CHD9: variants seen among roughly 807,000 people sequenced by gnomAD.
CHD9 encodes chromodomain helicase DNA binding protein 9.
A neutral mutation model predicts 316.1 loss-of-function variants in CHD9; 77 were observed. The observed-to-expected ratio is 0.24, with a 90% CI of 0.20 to 0.29. The LOEUF (loss-of-function observed/expected upper bound fraction) is 0.29, where lower values mean the gene tolerates loss of function less well. Ranked by LOEUF, CHD9 falls within the 10% of genes least tolerant of loss-of-function variation. The pLI, the probability that CHD9 is intolerant of heterozygous loss-of-function variation, is 1.00. For missense variants in CHD9, 2,763 were observed against 3,438.1 expected (o/e 0.80, Z 4.91); for synonymous variants, 1,129 against 1,158.3 (o/e 0.97, Z 0.51).
chr16:53,097,374 TC>T lies in CHD9; in HGVS notation c.-165+42299del, dbSNP rs1302412020. 4.4e-3 allele frequency among the ~76,000 whole-genome samples: 664 copies of T among 151,182 alleles called. 5 individuals are homozygous for T. The highest frequency in any genetic ancestry group is 7.2e-3 in the Non-Finnish European group (487 of 67,802). On this transcript the variant is annotated intron_variant, in intron 1 of 38. Transcript: ENST00000447540. Reference sequence around the variant, plus strand: ...GCTCTCCCTTCCTTCCTTCCTTCCTTCCTTCCTTCCTTCCTTCCTTCCTTCC... The same window carrying T: ...GCTCTCCCTTCCTTCCTTCCTTCCTTCTTCCTTCCTTCCTTCCTTCCTTCC...
At chr16:53,213,251 G>A (rs963261854) in intron 3 of CHD9, among the ~76,000 whole-genome samples, 1 of 152,194 alleles carries the variant, frequency 6.6e-6, no homozygotes, top group African/African-American at 2.4e-5. Context: ...GTTGCTTGTG[G>A]CTATGTGGAA....
rs1437965541 is a variant in CHD9 at position 53,325,691 on chromosome 16, A to G, written c.*796A>G. On this transcript the variant is annotated 3_prime_UTR_variant, in exon 39 of 39. Transcript: ENST00000447540. The stretch of plus-strand genomic sequence containing the variant: ...CACCCTATAGACATACTTAGTTTTA[A>G]CTTTTCAAAGTTTGGCCTCCTATTA... 2 of 152,280 alleles carry G rather than the reference A, an allele frequency of 1.3e-5. No homozygotes were observed. The highest frequency in any genetic ancestry group is 2.9e-5 in the Non-Finnish European group (2 of 67,974). The allele number at this position is 152,280 out of a possible 1,614,324, so 9.4% of individuals were successfully genotyped here. A position where few individuals can be genotyped will look rare whatever the true frequency, so the allele number is the denominator to read the frequency against.
At chr16:53,190,358 T>C (rs1322685522) in intron 2 of CHD9, among the ~76,000 whole-genome samples, 12 of 152,256 alleles carry the variant, frequency 7.9e-5, no homozygotes, top group Admixed American at 5.9e-4. Flanking sequence ...CCATTCAAGC[T>C]CATTTTCTGC....
intron 1 of CHD9, among the ~76,000 whole-genome samples, chr16:53,107,489 T>TAAATA (rs60801106): frequency 0.3 from 36,779 of 121,362 alleles, 6,357 homozygotes; most frequent in Non-Finnish European, 0.39. Flanking sequence ...TAAAATAAAA[T>TAAATA]AAATAAAATA....
intron 1 of CHD9, among the ~76,000 whole-genome samples, chr16:53,144,249 A>G (rs1048179854): frequency 2.0e-5 from 3 of 152,130 alleles, no homozygotes; most frequent in Non-Finnish European, 4.4e-5. Context: ...ATTTCTGAAT[A>G]TGAATATAGA....
At chr16:53,060,862 A>G (rs1480077726) in intron 1 of CHD9, among the ~76,000 whole-genome samples, 1 of 150,458 alleles carries the variant, frequency 6.6e-6, no homozygotes, top group Non-Finnish European at 1.5e-5. Flanking sequence ...TTGAGACTAT[A>G]GTGAGCCATG....
At chr16:53,298,245 C>T (rs1472981803) in intron 30 of CHD9, 5 of 151,580 alleles carry the variant, frequency 3.3e-5, no homozygotes, top group African/African-American at 1.2e-4. Context: ...ATGAGCAACT[C>T]AAAGCAGGCA....
intron 1 of CHD9, among the ~76,000 whole-genome samples, chr16:53,119,670 T>C (rs2038589533): frequency 6.6e-6 from 1 of 152,070 alleles, no homozygotes; most frequent in Non-Finnish European, 1.5e-5. Context: ...TCGTCTCTAC[T>C]AAATATAAAA....
chr16:53,228,973 A>C lies in CHD9; in HGVS notation c.2169-10A>C, dbSNP rs1306739436. On this transcript the variant is annotated splice_polypyrimidine_tract_variant and intron_variant, in intron 7 of 38. Coordinates refer to ENST00000447540, the MANE Select transcript of CHD9 (RefSeq NM_001308319.2). ...GTCATTCTAATATATTATTTTTATA[A>C]AAATTTTAGCTCCTATCTTCACTGT... 7.5e-7 allele frequency: 1 copy of C among 1,325,960 alleles called. No homozygotes were observed. Among genetic ancestry groups the C allele is most frequent in the African/African-American group, 1.5e-5 (1 of 67,600 alleles). 82.1% of individuals were successfully genotyped at this position (1,325,960 alleles called of 1,614,324 possible).
At chr16:53,209,305 G>T (rs368153365) in intron 2 of CHD9, among the ~76,000 whole-genome samples, 177 bp from the exon 3 acceptor site, 328 of 152,202 alleles carry the variant, frequency 2.2e-3, no homozygotes, top group African/African-American at 7.6e-3. Context: ...CAATTGAGCT[G>T]TTTATATCTG....
At chr16:53,152,115 CTCG>C (rs2041170953) in intron 1 of CHD9, among the ~76,000 whole-genome samples, 2 of 152,034 alleles carry the variant, frequency 1.3e-5, no homozygotes, top group South Asian at 2.1e-4. Flanking sequence ...TTAGCATTTG[CTCG>C]TCTTGATTGT....
intron 2 of CHD9, chr16:53,208,574 G>T (rs969155961): frequency 9.8e-7 from 1 of 1,022,658 alleles, no homozygotes; most frequent in African/African-American, 1.7e-5. Context: ...TCCCAGTGCT[G>T]CAGTGCTGCT....
At chr16:53,091,639 T>C (rs2035951681) in intron 1 of CHD9, among the ~76,000 whole-genome samples, 1 of 152,220 alleles carries the variant, frequency 6.6e-6, no homozygotes, top group African/African-American at 2.4e-5. Context: ...CTGTCTCATT[T>C]GTCTTATAAC....
intron 34 of CHD9, among the ~76,000 whole-genome samples, chr16:53,309,139 G>A (rs1404836039): frequency 6.6e-6 from 1 of 152,166 alleles, no homozygotes; most frequent in African/African-American, 2.4e-5. Flanking sequence ...CTGCATTTCA[G>A]TATCACAAAT....
At chr16:53,163,978 GAAGTT>G (rs1351011537) in intron 2 of CHD9, among the ~76,000 whole-genome samples, 1 of 152,118 alleles carries the variant, frequency 6.6e-6, no homozygotes, top group Admixed American at 6.5e-5. Flanking sequence ...GAGATACAGA[GAAGTT>G]AAGTAATAAA....
chr16:53,274,003 A>G (rs1320361888), intron 23 of CHD9, among the ~76,000 whole-genome samples: 2 of 152,158 alleles, frequency 1.3e-5, no homozygotes, highest in African/African-American at 4.8e-5. Context: ...TGAGCTCATT[A>G]TATCTTACTT....
At chr16:53,300,546 G>A (rs1468696913) in intron 30 of CHD9, among the ~76,000 whole-genome samples, 1 of 152,184 alleles carries the variant, frequency 6.6e-6, no homozygotes, top group South Asian at 2.1e-4. Flanking sequence ...AGGCTAGAAG[G>A]TGGCATGGCT....
chr16:53,223,251 C>G (rs924253202), intron 4 of CHD9, among the ~76,000 whole-genome samples: 10 of 139,010 alleles, frequency 7.2e-5, no homozygotes, highest in African/African-American at 2.7e-4. Flanking sequence ...TGCATTTTGC[C>G]TTTTTTTTTT....
chr16:53,240,431 A>C (rs2048994622), intron 12 of CHD9, among the ~76,000 whole-genome samples: 1 of 152,136 alleles, frequency 6.6e-6, no homozygotes, highest in Admixed American at 6.6e-5. Context: ...TAATAAACTG[A>C]ATTGTATATA....
Sources: allele counts gnomAD v4.1 joint callset (sites outside exome capture counted in the v4.1 genomes callset), GRCh38; gene constraint gnomAD v4.1.1; transcripts MANE v1.5; gene names NCBI Gene and HGNC (gene_info 2026-07-23, HGNC 2026-07-21).